TAS2R14: variants seen among roughly 807,000 people sequenced by gnomAD.
The protein encoded by TAS2R14 is taste 2 receptor member 14, also known as taste receptor type 2 member 14.
For synonymous variants in TAS2R14, 131 were observed against 131.0 expected (o/e 1.00, Z 0.00); for missense variants, 383 against 372.0 (o/e 1.03, Z -0.24).
chr12:10,938,242 T>A, exon 1 of TAS2R14: 1 of 1,525,408 alleles, frequency 6.6e-7, no homozygotes, highest in Non-Finnish European at 8.8e-7. Context: ...AGCTATTTTT[T>A]TTCTAATATA....
chr12:10,938,502 A>G (rs1210913738), exon 1 of TAS2R14: 2 of 1,614,114 alleles, frequency 1.2e-6, no homozygotes, highest in Non-Finnish European at 1.7e-6. Context: ...AGTAGGAAGA[A>G]AGTGATCACA....
exon 1 of TAS2R14, chr12:10,938,471 G>T: frequency 1.2e-6 from 2 of 1,614,014 alleles, no homozygotes; most frequent in Non-Finnish European, 1.7e-6. Flanking sequence ...TATGAAAAAA[G>T]ACAGAGAGAA....
exon 1 of TAS2R14, chr12:10,938,617 C>T: frequency 6.2e-7 from 1 of 1,613,878 alleles, no homozygotes; most frequent in Non-Finnish European, 8.5e-7. Flanking sequence ...GGAGAAGAAA[C>T]ATTGCCAGGG....
exon 1 of TAS2R14, chr12:10,938,160 T>C: frequency 1.2e-6 from 1 of 866,452 alleles, no homozygotes. Context: ...CTTTGTAAAA[T>C]TCACAAAGTT....
chr12:10,938,938 T>C, exon 1 of TAS2R14: 1 of 1,613,896 alleles, frequency 6.2e-7, no homozygotes, highest in South Asian at 1.1e-5. Context: ...GATTGATCAC[T>C]GTCCAGATAT....
chr12:10,938,581 G>C (rs750129801), exon 1 of TAS2R14: 3 of 1,613,958 alleles, frequency 1.9e-6, no homozygotes, highest in East Asian at 2.2e-5. Context: ...GCATCTTCTT[G>C]CGATGTTTCC....
exon 1 of TAS2R14, chr12:10,938,922 T>C: frequency 6.2e-7 from 1 of 1,613,958 alleles, no homozygotes; most frequent in Non-Finnish European, 8.5e-7. Context: ...AACCAGACAC[T>C]AAAATGATTG....
At chr12:10,938,353 CT>C in exon 5 of TAS2R14, 1 of 1,614,034 alleles carries the variant, frequency 6.2e-7, no homozygotes, top group Non-Finnish European at 8.5e-7. Context: ...GTCTCAGCTT[CT>C]TGTTTCCAAG....
exon 1 of TAS2R14, chr12:10,937,467 T>C (rs909177302): frequency 6.6e-6 from 1 of 152,048 alleles, no homozygotes; most frequent in Non-Finnish European, 1.5e-5. Flanking sequence ...GAAACAAATA[T>C]TCTCCCTGAA....
In TAS2R14 at chr12:10,938,473, CAG is replaced by C. The variant is rs750931419; in HGVS notation, n.595_596del. On this transcript the variant is annotated non_coding_transcript_exon_variant, in exon 5 of 5. Coordinates refer to the TAS2R14 transcript ENST00000381852. Reference sequence around the variant, plus strand: ...AGGTCCAAACTGATATGAAAAAAGACAGAGAGAAAATGGCATAGAGTAGGAAG... The same window carrying C: ...AGGTCCAAACTGATATGAAAAAAGACAGAGAAAATGGCATAGAGTAGGAAG... 233 of 1,614,006 alleles carry C rather than the reference CAG, an allele frequency of 1.4e-4. 2 individuals are homozygous for C. The highest frequency in any genetic ancestry group is 3.7e-4 in the Admixed American group (22 of 59,974).
At chr12:10,938,797 A>C in exon 1 of TAS2R14, 1 of 1,613,434 alleles carries the variant, frequency 6.2e-7, no homozygotes. Flanking sequence ...AGAAGACCGA[A>C]GTCACAAGAA....
exon 1 of TAS2R14, chr12:10,938,445 C>T: frequency 6.2e-7 from 1 of 1,614,064 alleles, no homozygotes; most frequent in Non-Finnish European, 8.5e-7. Context: ...TCCAACCTTT[C>T]AGAGGTCCAA....
chr12:10,939,162 C>T, exon 1 of TAS2R14: 1 of 1,600,850 alleles, frequency 6.2e-7, no homozygotes, highest in Non-Finnish European at 8.5e-7. Context: ...ATTATAAATT[C>T]CACAATTAAA....
At chr12:10,937,676 A>G (rs952941041) in exon 1 of TAS2R14, 1 of 152,222 alleles carries the variant, frequency 6.6e-6, no homozygotes, top group African/African-American at 2.4e-5. Context: ...AATAATCATT[A>G]TAAGTCACTA....
exon 1 of TAS2R14, chr12:10,938,821 C>T (rs570619255): frequency 9.9e-6 from 16 of 1,613,276 alleles, no homozygotes; most frequent in Non-Finnish European, 1.4e-5. Context: ...GCACCAAAAC[C>T]ACCTTTTTAA....
At chr12:10,937,430 A>G (rs1156641849) in exon 1 of TAS2R14, 1 of 152,098 alleles carries the variant, frequency 6.6e-6, no homozygotes, top group African/African-American at 2.4e-5. Flanking sequence ...CAGAGATTTT[A>G]TTACAATACT....
exon 1 of TAS2R14, chr12:10,938,805 G>C: frequency 3.1e-6 from 5 of 1,613,302 alleles, no homozygotes; most frequent in Non-Finnish European, 4.2e-6. Context: ...GAAGTCACAA[G>C]AAGCAGCACC....
chr12:10,938,407 C>G (rs1214263515), exon 1 of TAS2R14: 1 of 1,614,010 alleles, frequency 6.2e-7, no homozygotes, highest in Non-Finnish European at 8.5e-7. Flanking sequence ...CCATTCCCAT[C>G]ACCTGGGAAA....
At chr12:10,938,559 T>C (rs1950331568) in exon 1 of TAS2R14, 2 of 1,614,042 alleles carry the variant, frequency 1.2e-6, no homozygotes, top group Middle Eastern at 1.7e-4. Flanking sequence ...CCGGATATTT[T>C]GACAGTGTGC....
Sources: gnomAD v4.1 joint callset for allele counts on GRCh38, gnomAD v4.1.1 for gene constraint, MANE v1.5 for transcripts, NCBI Gene and HGNC (gene_info 2026-07-23, HGNC 2026-07-21) for gene names.